The following NRXN3 variants were observed in gnomAD, a reference collection of about 807,000 sequenced individuals.
NRXN3 encodes neurexin 3.
A neutral mutation model predicts 137.6 loss-of-function variants in NRXN3; 32 were observed. That is an observed-to-expected ratio of 0.23 (90% CI 0.18 to 0.31). NRXN3 has a LOEUF of 0.31. Among genes scored for constraint, NRXN3 ranks in the 10% least tolerant of loss-of-function variants. The pLI is 1.00. For missense variants in NRXN3, 1,574 were observed against 2,062.5 expected, an observed-to-expected ratio of 0.76 and a Z score of 4.59; for synonymous variants, 798 against 784.5, an observed-to-expected ratio of 1.02 and a Z score of -0.29.
chr14:79,763,369 T>TACGTGTGCATGTGTCTTTA (rs1362045556), intron 19 of NRXN3, among the ~76,000 whole-genome samples: 2 of 151,776 alleles, frequency 1.3e-5, no homozygotes, highest in Non-Finnish European at 2.9e-5. Context: ...GATTTATACA[T>TACGTGTGCATGTGTCTTTA]ACGTGTGCAT....
At chr14:78,203,632 T>A (rs2061880977) in intron 1 of NRXN3, among the ~76,000 whole-genome samples, 1 of 152,198 alleles carries the variant, frequency 6.6e-6, no homozygotes, top group Admixed American at 6.5e-5. Flanking sequence ...CCTTCACCAA[T>A]CTGATAAGGT....
At chr14:79,719,133 G>T (rs1378240952) in intron 19 of NRXN3, among the ~76,000 whole-genome samples, 2 of 151,964 alleles carry the variant, frequency 1.3e-5, no homozygotes, top group African/African-American at 2.4e-5. Flanking sequence ...TCGTCCCTTT[G>T]TTTGAAATCT....
At chr14:79,409,522 C>T (rs1161610551) in intron 15 of NRXN3, among the ~76,000 whole-genome samples, 1 of 147,068 alleles carries the variant, frequency 6.8e-6, no homozygotes, top group East Asian at 2.0e-4. Flanking sequence ...CATATATATA[C>T]ATGTATATAT....
At chr14:79,653,076 A>C (rs1233653751) in intron 16 of NRXN3, among the ~76,000 whole-genome samples, 1 of 152,068 alleles carries the variant, frequency 6.6e-6, no homozygotes, top group African/African-American at 2.4e-5. Flanking sequence ...CCCCACGTGC[A>C]GACAGGCACT....
chr14:78,281,152 T>C (rs2074353038), intron 3 of NRXN3, among the ~76,000 whole-genome samples: 2 of 152,190 alleles, frequency 1.3e-5, no homozygotes, highest in African/African-American at 4.8e-5. Context: ...ACCCTTCACT[T>C]GGGGCCCTGG....
chr14:79,361,997 AT>A lies in NRXN3; in HGVS notation c.3263-105222del, dbSNP rs1371171011. 4.6e-3 allele frequency among the ~76,000 whole-genome samples: 32 copies of A among 6,974 alleles called. No homozygotes were observed. The Admixed American group carries it at 0.13, about 28-fold the overall frequency. 4.6% of individuals were successfully genotyped at this position (6,974 alleles called of 152,430 possible). ...TTACGCTATTCATTCTACTTTTATA[AT>A]TATTATTATTATTATTATTATTATT... On this transcript the variant is annotated intron_variant, in intron 15 of 20. Transcript: ENST00000335750.
intron 2 of NRXN3, among the ~76,000 whole-genome samples, chr14:78,269,701 T>G (rs935056531): frequency 6.6e-6 from 1 of 152,218 alleles, no homozygotes; most frequent in Non-Finnish European, 1.5e-5. Flanking sequence ...CGTATCACCA[T>G]CCCCTACAGA....
At chr14:79,665,485 C>T (rs1161230496) in intron 17 of NRXN3, among the ~76,000 whole-genome samples, 2 of 152,110 alleles carry the variant, frequency 1.3e-5, no homozygotes, top group Non-Finnish European at 2.9e-5. Flanking sequence ...CCTGCTTAAT[C>T]CCTGATGGAT....
chr14:79,327,356 T>G (rs1044605641), intron 15 of NRXN3, among the ~76,000 whole-genome samples: 1 of 152,184 alleles, frequency 6.6e-6, no homozygotes, highest in Non-Finnish European at 1.5e-5. Flanking sequence ...AATGGAGAGA[T>G]GAGAGTTCAA....
intron 15 of NRXN3, among the ~76,000 whole-genome samples, chr14:78,994,755 A>G (rs1049691990): frequency 3.3e-5 from 5 of 152,334 alleles, no homozygotes; most frequent in East Asian, 1.9e-4. Context: ...TTGGTGTAAC[A>G]TAAGGAGTGT....
At chr14:78,484,701 A>G (rs1418595842) in intron 4 of NRXN3, among the ~76,000 whole-genome samples, 3 of 152,126 alleles carry the variant, frequency 2.0e-5, no homozygotes, top group African/African-American at 7.2e-5. Context: ...AGCCACAGCT[A>G]TGGTTTAGTA....
At chr14:79,327,308 C>G (rs1341982069) in intron 15 of NRXN3, among the ~76,000 whole-genome samples, 2 of 151,940 alleles carry the variant, frequency 1.3e-5, no homozygotes, top group Non-Finnish European at 2.9e-5. Flanking sequence ...TCGTCTTTTC[C>G]TTGTAACCCC....
At position 78,803,727 on chromosome 14, in the gene NRXN3, G is replaced by A; in HGVS notation, c.2152G>A (p.Ala718Thr). ...DVSFRFMSQR[A>T]YGLLVATTSR... ...GTCCTTCCGCTTCATGTCCCAGCGAGCTTATGGGCTGCTGGTGGCTACGAC... is the reference window on the plus strand; with the variant it reads ...GTCCTTCCGCTTCATGTCCCAGCGAACTTATGGGCTGCTGGTGGCTACGAC... The change falls in exon 9 of 21, where the codon GCT becomes ACT. Residue 718 changes from alanine (A) to threonine (T), a missense_variant. By Grantham distance (58) the Ala-to-Thr change is moderately conservative. Coordinates refer to ENST00000335750, the MANE Select transcript of NRXN3 (RefSeq NM_001330195.2). The A allele has an allele frequency of 6.2e-7, 1 of 1,614,108 alleles. No individual in the cohort carries two copies. The highest frequency in any genetic ancestry group is 8.5e-7 in the Non-Finnish European group (1 of 1,179,976).
intron 19 of NRXN3, among the ~76,000 whole-genome samples, chr14:79,740,005 T>A (rs2098955527): frequency 6.6e-6 from 1 of 152,156 alleles, no homozygotes; most frequent in African/African-American, 2.4e-5. Context: ...GTCCAGAGGA[T>A]GCTGGCTGCT....
At chr14:78,585,352 G>A (rs1428738732) in intron 4 of NRXN3, among the ~76,000 whole-genome samples, 4 of 152,056 alleles carry the variant, frequency 2.6e-5, no homozygotes, top group African/African-American at 9.7e-5. Context: ...GAGGGAGGAA[G>A]GCTGAGAGTA....
intron 16 of NRXN3, among the ~76,000 whole-genome samples, chr14:79,605,209 T>A (rs962656324): frequency 6.6e-6 from 1 of 152,200 alleles, no homozygotes; most frequent in East Asian, 1.9e-4. Context: ...CAGGAGGGCT[T>A]CAGGCCACTG....
At chr14:79,821,049 G>A (rs750158352) in intron 20 of NRXN3, among the ~76,000 whole-genome samples, 3 of 151,976 alleles carry the variant, frequency 2.0e-5, no homozygotes, top group Non-Finnish European at 2.9e-5. Context: ...AAAGATGGAG[G>A]CATTAGGAAA....
In NRXN3 at chr14:79,866,460, G is replaced by C. The variant is rs1344845116; in HGVS notation, c.*4496G>C. 2 of 152,154 alleles carry C rather than the reference G, an allele frequency of 1.3e-5. No individual in the cohort carries two copies. The highest frequency in any genetic ancestry group is 2.4e-5 in the African/African-American group (1 of 41,434). 9.4% of individuals were successfully genotyped at this position (152,154 alleles called of 1,614,324 possible). A position where few individuals can be genotyped will look rare whatever the true frequency, so the allele number is the denominator to read the frequency against. On this transcript the variant is annotated 3_prime_UTR_variant, in exon 21 of 21. Coordinates refer to ENST00000335750, the MANE Select transcript of NRXN3 (RefSeq NM_001330195.2). The stretch of plus-strand genomic sequence containing the variant: ...ACATTTTGGTAAACCTTGGAAAACT[G>C]ATAGGCAGAAATAAGGGCTGTATAT...
At chr14:79,708,730 T>C (rs2098791216) in intron 19 of NRXN3, among the ~76,000 whole-genome samples, 1 of 152,182 alleles carries the variant, frequency 6.6e-6, no homozygotes, top group Admixed American at 6.5e-5. Context: ...TGAAACCTTC[T>C]AATTAATGCC....
Sources: gnomAD v4.1 joint callset for allele counts (sites outside exome capture counted in the v4.1 genomes callset) on GRCh38, gnomAD v4.1.1 for gene constraint, MANE v1.5 for transcripts, NCBI Gene and HGNC (gene_info 2026-07-23, HGNC 2026-07-21) for gene names.